ARHGAP8: variants seen among roughly 807,000 people sequenced by gnomAD.
The protein encoded by ARHGAP8 is Rho GTPase activating protein 8, also known as rho GTPase-activating protein 8.
In ARHGAP8, 62 loss-of-function variants were observed where a neutral mutation model predicts 46.1. The ratio of observed to expected loss-of-function variants is 1.34; its 90% CI spans 1.10 to 1.66. The LOEUF (loss-of-function observed/expected upper bound fraction) is 1.66, where lower values mean the gene tolerates loss of function less well. Among genes scored for constraint, ARHGAP8 ranks in the 40% most tolerant of loss-of-function variants. The pLI, the probability that ARHGAP8 is intolerant of heterozygous loss-of-function variation, is 0.00. For missense variants in ARHGAP8, 923 were observed against 568.4 expected (o/e 1.62, Z -6.34); for synonymous variants, 375 against 243.1 (o/e 1.54, Z -5.05).
At chr22:44,817,200 A>G (rs991580389) in intron 5 of ARHGAP8, among the ~76,000 whole-genome samples, 2 of 152,060 alleles carry the variant, frequency 1.3e-5, no homozygotes, top group South Asian at 2.1e-4. Context: ...TTTTCTTATC[A>G]GCTCCCAAAG....
At chr22:44,807,032 C>T (rs545821648) in intron 3 of ARHGAP8, among the ~76,000 whole-genome samples, 7 of 152,124 alleles carry the variant, frequency 4.6e-5, no homozygotes, top group Admixed American at 3.9e-4. Context: ...CCGGGCAGTG[C>T]GGGACCAGCC....
chr22:44,777,581 T>G (rs975686411), intron 1 of ARHGAP8, among the ~76,000 whole-genome samples: 2 of 151,726 alleles, frequency 1.3e-5, no homozygotes, highest in Non-Finnish European at 2.9e-5. Context: ...ATTTAACAGC[T>G]GCTGTCAGAC....
At chr22:44,842,489 C>T (rs1339614135) in intron 7 of ARHGAP8, among the ~76,000 whole-genome samples, 2 of 152,160 alleles carry the variant, frequency 1.3e-5, no homozygotes, top group African/African-American at 2.4e-5. Context: ...TTTTGGTTGT[C>T]GTGGAATCAC....
rs149091074 is a variant in ARHGAP8, at chr22:44,848,905, C to T, written c.749-27C>T. On this transcript the variant is annotated intron_variant, in intron 9 of 11. Coordinates refer to ENST00000356099, the MANE Select transcript of ARHGAP8 (RefSeq NM_181335.3). ...GCAGTGCCCAGGCCGGGGTGCAGAC[C>T]TCAGCAGTGCTGTGTTGTGTGTGCA... 1.9e-5 allele frequency: 31 copies of T among 1,613,498 alleles called. No homozygotes were observed. In the Admixed American group the frequency reaches 4.3e-4, roughly 23 times the overall value.
intron 7 of ARHGAP8, among the ~76,000 whole-genome samples, chr22:44,844,915 C>G (rs527573857): frequency 1.3e-5 from 2 of 152,302 alleles, no homozygotes; most frequent in South Asian, 4.2e-4. Flanking sequence ...ACTGGGACTT[C>G]CCAGTATGGC....
At chr22:44,860,530 T>G (rs2147202717) in intron 11 of ARHGAP8, among the ~76,000 whole-genome samples, 1 of 84,402 alleles carries the variant, frequency 1.2e-5, no homozygotes, top group African/African-American at 4.0e-5. Context: ...TGACGCGGGA[T>G]GATCTCATCT....
At chr22:44,860,282 T>C (rs2070407758) in intron 11 of ARHGAP8, among the ~76,000 whole-genome samples, 1 of 152,070 alleles carries the variant, frequency 6.6e-6, no homozygotes, top group Non-Finnish European at 1.5e-5. Flanking sequence ...TTAAAACAGA[T>C]TTACTGTGTC....
At chr22:44,859,881 C>T in intron 11 of ARHGAP8, 47 bp downstream of exon 11, 1 of 1,599,212 alleles carries the variant, frequency 6.3e-7, no homozygotes, top group Non-Finnish European at 8.5e-7. Flanking sequence ...GTGGCCTTCC[C>T]TCCCATGCTG....
At chr22:44,830,662 G>A (rs373875212) in intron 7 of ARHGAP8, among the ~76,000 whole-genome samples, 5 of 151,884 alleles carry the variant, frequency 3.3e-5, no homozygotes, top group Admixed American at 6.6e-5. Context: ...TCACCCTCCC[G>A]AGTATGTGTG....
At chr22:44,787,321 CTTTGT>C (rs150868916) in intron 2 of ARHGAP8, among the ~76,000 whole-genome samples, 38,340 of 150,500 alleles carry the variant, frequency 0.25, 5,211 homozygotes, top group Non-Finnish European at 0.31. Context: ...TCTTGCGTTG[CTTTGT>C]TTTGTTTTGT....
intron 7 of ARHGAP8, among the ~76,000 whole-genome samples, chr22:44,838,778 C>T (rs12168414): frequency 0.011 from 1,748 of 152,322 alleles, 23 homozygotes; most frequent in Non-Finnish European, 0.019. Context: ...GTCACTGTAG[C>T]TCACTGGGCC....
chr22:44,823,151 G>T (rs987543971), intron 6 of ARHGAP8, among the ~76,000 whole-genome samples: 1 of 152,166 alleles, frequency 6.6e-6, no homozygotes, highest in Non-Finnish European at 1.5e-5. Flanking sequence ...CTTCTCTCCG[G>T]ACGCCAAGTC....
At position 44,848,010 on chromosome 22, in the gene ARHGAP8, C is replaced by T. The variant is rs747687927; in HGVS notation, c.708C>T (p.Ser236=). ...AGGGCCTGTTCCGGAGATCCGCCAG[C>T]GTGCAGACCGTCCGCGAGATCCAGA... ...RTEGLFRRSA[S]VQTVREIQRL... Residue 236 remains serine (S), a synonymous_variant, in exon 9 of 12, where the codon AGC becomes AGT. Coordinates refer to ENST00000356099, the MANE Select transcript of ARHGAP8 (RefSeq NM_181335.3). 11 of 1,608,028 alleles carry T rather than the reference C, an allele frequency of 6.8e-6. No homozygotes were observed. The highest frequency in any genetic ancestry group is 2.2e-5 in the East Asian group (1 of 44,888).
chr22:44,782,954 T>TG (rs566290250), intron 1 of ARHGAP8, among the ~76,000 whole-genome samples: 14 of 152,248 alleles, frequency 9.2e-5, no homozygotes, highest in Non-Finnish European at 2.1e-4. Flanking sequence ...TGTGCAGTGA[T>TG]GGGGGTGTCC....
At chr22:44,837,762 G>A (rs1339347257) in intron 7 of ARHGAP8, among the ~76,000 whole-genome samples, 2 of 152,084 alleles carry the variant, frequency 1.3e-5, no homozygotes, top group African/African-American at 2.4e-5. Context: ...GTAGTAATTC[G>A]ATGCCGGGGC....
At chr22:44,754,258 A>G (rs1441582596) in intron 1 of ARHGAP8, among the ~76,000 whole-genome samples, 3 of 151,898 alleles carry the variant, frequency 2.0e-5, no homozygotes, top group African/African-American at 4.8e-5. Context: ...TTCGCTTGTG[A>G]GGTACGGGTG....
intron 10 of ARHGAP8, among the ~76,000 whole-genome samples, chr22:44,854,218 C>T (rs1399588867): frequency 6.7e-6 from 1 of 149,204 alleles, no homozygotes; most frequent in Non-Finnish European, 1.5e-5. Context: ...GTTGTCATTT[C>T]AAGGAATTCC....
At chr22:44,847,869 C>G in intron 8 of ARHGAP8, 104 bp from the exon 9 acceptor site, 1 of 1,438,432 alleles carries the variant, frequency 7.0e-7, no homozygotes, top group Non-Finnish European at 9.5e-7. Flanking sequence ...TGTGTGGAGG[C>G]CAGCCACAGG....
At chr22:44,769,035 A>G (rs1239361893) in intron 1 of ARHGAP8, among the ~76,000 whole-genome samples, 1 of 151,860 alleles carries the variant, frequency 6.6e-6, no homozygotes, top group African/African-American at 2.4e-5. Context: ...GGGTTTCACC[A>G]TGTTGGCCAG....
Sources: allele counts gnomAD v4.1 joint callset (sites outside exome capture counted in the v4.1 genomes callset), GRCh38; gene constraint gnomAD v4.1.1; transcripts MANE v1.5; gene names NCBI Gene and HGNC (gene_info 2026-07-23, HGNC 2026-07-21).